Variants in DSTYK observed in about 807,000 individuals in gnomAD.
The protein encoded by DSTYK is dual serine/threonine and tyrosine protein kinase, also known as RIP-homologous kinase.
Under a neutral mutation model 98.7 loss-of-function variants are expected in DSTYK, and 34 were observed. The observed-to-expected ratio is 0.34, with a 90% CI of 0.26 to 0.46. DSTYK has a LOEUF of 0.46. DSTYK is among the 20% of genes least tolerant of loss of function. DSTYK has a pLI of 1.00. For missense variants in DSTYK, 962 were observed against 1,181.7 expected (o/e 0.81, Z 2.73); for synonymous variants, 462 against 457.3 (o/e 1.01, Z -0.13).
At chr1:205,190,305 A>C (rs1233155284) in intron 1 of DSTYK, among the ~76,000 whole-genome samples, 5 of 152,098 alleles carry the variant, frequency 3.3e-5, no homozygotes, top group African/African-American at 1.2e-4. Context: ...ATCACTCCTA[A>C]AAACCTCCTT....
chr1:205,188,078 GC>G (rs1658610501), intron 1 of DSTYK, among the ~76,000 whole-genome samples: 1 of 151,940 alleles, frequency 6.6e-6, no homozygotes, highest in Non-Finnish European at 1.5e-5. Flanking sequence ...TGATCTTCCC[GC>G]CCCGCTCCTT....
chr1:205,192,195 T>G (rs1289587465), intron 1 of DSTYK, among the ~76,000 whole-genome samples: 1 of 152,196 alleles, frequency 6.6e-6, no homozygotes, highest in Non-Finnish European at 1.5e-5. Context: ...CATTTAATGC[T>G]CACAATTCTA....
intron 1 of DSTYK, among the ~76,000 whole-genome samples, chr1:205,208,101 A>T (rs888842909): frequency 2.0e-5 from 3 of 152,062 alleles, no homozygotes; most frequent in Admixed American, 2.0e-4. Flanking sequence ...GCTGGTCTCC[A>T]ACTCCCAACC....
rs1279101891 is a variant in DSTYK, at chr1:205,192,731, C to T, written c.266-4925G>A. ...ATAAAAACTAGCCAAGCATGGTGGC[C>T]GACGCCTGTAATCCCAGCTATTCGG... On this transcript the variant is annotated intron_variant, in intron 1 of 12. Coordinates refer to ENST00000367162, the MANE Select transcript of DSTYK (RefSeq NM_015375.3). 4.0e-5 allele frequency among the ~76,000 whole-genome samples: 6 copies of T among 151,866 alleles called. No homozygotes were observed. The South Asian group carries it at 6.2e-4, about 16-fold the overall frequency.
chr1:205,179,151 T>C (rs1019011300), intron 2 of DSTYK, among the ~76,000 whole-genome samples: 3 of 151,004 alleles, frequency 2.0e-5, no homozygotes, highest in African/African-American at 7.3e-5. Context: ...AGACAGGAAT[T>C]ATAGCCCCAT....
intron 3 of DSTYK, among the ~76,000 whole-genome samples, chr1:205,167,224 C>T (rs1027002679): frequency 1.3e-5 from 2 of 151,830 alleles, no homozygotes; most frequent in African/African-American, 4.8e-5. Context: ...ATGGTGAAAC[C>T]CCTGTCTCTA....
chr1:205,160,777 T>G (rs1483932203), intron 7 of DSTYK, among the ~76,000 whole-genome samples: 2 of 144,998 alleles, frequency 1.4e-5, no homozygotes, highest in Non-Finnish European at 3.1e-5. Flanking sequence ...TGTGGTTTTT[T>G]GTTTTTTGTT....
chr1:205,193,794 C>G (rs894424479), intron 1 of DSTYK, among the ~76,000 whole-genome samples: 10 of 151,528 alleles, frequency 6.6e-5, no homozygotes, highest in African/African-American at 2.2e-4. Context: ...TCGCTTGAAC[C>G]TGGGAGGTAG....
intron 1 of DSTYK, among the ~76,000 whole-genome samples, chr1:205,209,299 G>A (rs1196314217): frequency 1.3e-5 from 2 of 152,152 alleles, no homozygotes; most frequent in Non-Finnish European, 2.9e-5. Context: ...AGAAACTTCC[G>A]AGCAGGAGAC....
chr1:205,210,269 T>C (rs866556469), intron 1 of DSTYK, among the ~76,000 whole-genome samples: 29 of 152,228 alleles, frequency 1.9e-4, no homozygotes, highest in Admixed American at 7.9e-4. Flanking sequence ...TCAATAGGAA[T>C]TTATGAGCTA....
At chr1:205,182,587 C>G (rs1275180209) in intron 2 of DSTYK, among the ~76,000 whole-genome samples, 1 of 147,486 alleles carries the variant, frequency 6.8e-6, no homozygotes, top group African/African-American at 2.5e-5. Flanking sequence ...GGGCGGATAA[C>G]CTGAGGTCAG....
chr1:205,166,264 T>C lies in DSTYK; in HGVS notation c.1325-2309A>G, dbSNP rs551858460. ...AACTCTGAGTTAAGTACTATACATA[T>C]AGGTTTTATCTTAAAAATAAATTTT... On this transcript the variant is annotated intron_variant, in intron 3 of 12. Transcript: ENST00000367162. Among the ~76,000 whole-genome samples the C allele has an allele frequency of 2.7e-3, 414 of 152,196 alleles. 1 individual carries two copies. Among genetic ancestry groups the C allele is most frequent in the Non-Finnish European group, 4.3e-3 (292 of 68,018 alleles).
intron 1 of DSTYK, among the ~76,000 whole-genome samples, chr1:205,198,671 C>G (rs10494860): frequency 0.3 from 46,080 of 151,844 alleles, 7,438 homozygotes; most frequent in South Asian, 0.42. Context: ...AACCTAGCTG[C>G]ATTTGTGATA....
At position 205,199,816 on chromosome 1, in the gene DSTYK, C is replaced by T. The variant is rs137967078; in HGVS notation, c.265+11455G>A. 2.8e-3 allele frequency among the ~76,000 whole-genome samples: 429 copies of T among 152,282 alleles called. 8 individuals carry two copies. The highest frequency in any genetic ancestry group is 2.9e-3 in the South Asian group (14 of 4,824). On this transcript the variant is annotated intron_variant, in intron 1 of 12. Transcript: ENST00000367162. ...AGGAGCAAATTAACCTTAGGTTTTACAACCATAACCAAAAAAACCACATCC... is the reference window on the plus strand; with the variant it reads ...AGGAGCAAATTAACCTTAGGTTTTATAACCATAACCAAAAAAACCACATCC...
chr1:205,207,357 G>A (rs1186787894), intron 1 of DSTYK, among the ~76,000 whole-genome samples: 3 of 151,814 alleles, frequency 2.0e-5, no homozygotes, highest in African/African-American at 7.3e-5. Context: ...GGAATTACAG[G>A]CGTGAGCCGC....
chr1:205,158,831 A>G (rs1487038132), intron 9 of DSTYK, among the ~76,000 whole-genome samples: 1 of 152,194 alleles, frequency 6.6e-6, no homozygotes, highest in African/African-American at 2.4e-5. Context: ...TGTCAATTAT[A>G]CCTTCTGATA....
intron 8 of DSTYK, 132 bp from the exon 9 acceptor site, chr1:205,159,811 C>G: frequency 2.7e-6 from 3 of 1,132,018 alleles, no homozygotes; most frequent in Non-Finnish European, 3.8e-6. Context: ...TCAGTGCAGA[C>G]AGAGCCCTCA....
chr1:205,159,480 G>A, intron 9 of DSTYK, 67 bp downstream of exon 9: 1 of 1,516,248 alleles, frequency 6.6e-7, no homozygotes, highest in Non-Finnish European at 8.9e-7. Flanking sequence ...TAATAAACAG[G>A]AGAGGATGAG....
chr1:205,148,124 A>T, intron 12 of DSTYK, 81 bp downstream of exon 12: 2 of 1,572,520 alleles, frequency 1.3e-6, no homozygotes, highest in Non-Finnish European at 1.7e-6. Context: ...AGATGGGATG[A>T]CAGGAGACCC....
Sources: allele counts gnomAD v4.1 joint callset (sites outside exome capture counted in the v4.1 genomes callset), GRCh38; gene constraint gnomAD v4.1.1; transcripts MANE v1.5; gene names NCBI Gene and HGNC (gene_info 2026-07-23, HGNC 2026-07-21).